ASTN2: variants seen among roughly 807,000 people sequenced by gnomAD.
The protein encoded by ASTN2 is astrotactin 2, also known as astrotactin-2.
ASTN2 carries 54 observed loss-of-function variants against 139.8 expected under a neutral mutation model. The ratio of observed to expected loss-of-function variants is 0.39; its 90% CI spans 0.31 to 0.48. The LOEUF is 0.48. Ranked by LOEUF, ASTN2 falls within the 20% of genes least tolerant of loss-of-function variation. The pLI, the probability that ASTN2 is intolerant of heterozygous loss-of-function variation, is 0.95. For synonymous variants in ASTN2, 756 were observed against 719.5 expected (o/e 1.05, Z -0.81); for missense variants, 1,565 against 1,725.1 (o/e 0.91, Z 1.64).
At chr9:117,018,191 A>G (rs905606806) in intron 6 of ASTN2, among the ~76,000 whole-genome samples, 108 of 152,260 alleles carry the variant, frequency 7.1e-4, no homozygotes, top group African/African-American at 2.4e-3. Context: ...ATGAAAATTT[A>G]TGGTAAGACA....
Position 116,733,381 on chromosome 9 carries a change from C to A in ASTN2, c.2521+18G>T. 1 of 1,613,324 alleles carries A rather than the reference C, an allele frequency of 6.2e-7. No individual in the cohort carries two copies. The highest frequency in any genetic ancestry group is 8.5e-7 in the Non-Finnish European group (1 of 1,179,518). On this transcript the variant is annotated intron_variant, in intron 14 of 22. Transcript: ENST00000313400. ...TGTGGTCAGGGAACCTGGGAAGGGT[C>A]TGGCACATGTGTCTTACCAGTGAGC... is the stretch of plus-strand genomic sequence containing the variant.
chr9:116,444,173 C>T (rs1406451732), intron 20 of ASTN2, among the ~76,000 whole-genome samples: 1 of 152,128 alleles, frequency 6.6e-6, no homozygotes, highest in Non-Finnish European at 1.5e-5. Context: ...ATTACTAGGA[C>T]TGGCAATTTA....
In ASTN2 at chr9:116,967,577, ATGTG is replaced by A; in HGVS notation, c.1889+7627_1889+7630del. ...AAAGCACACTTCTAGGTTGCCTACA[ATGTG>A]TGCACACATATGCACACATAACACG... is the stretch of plus-strand genomic sequence containing the variant. On this transcript the variant is annotated intron_variant, in intron 10 of 22. Transcript: ENST00000313400. Among the ~76,000 whole-genome samples, 3 of 152,358 alleles carry A rather than the reference ATGTG, an allele frequency of 2.0e-5. No individual in the cohort carries two copies. In the South Asian group the frequency reaches 6.2e-4, roughly 32 times the overall value.
Position 117,141,312 on chromosome 9 carries a change from C to A in ASTN2, c.1168+14G>T. The A allele has an allele frequency of 7.3e-7, 1 of 1,366,218 alleles. No individual in the cohort carries two copies. Among genetic ancestry groups the A allele is most frequent in the South Asian group, 1.1e-5 (1 of 87,914 alleles). 84.6% of individuals were successfully genotyped at this position (1,366,218 alleles called of 1,614,324 possible). ...CCTTCTGACTTCCTGGCCAGATGTGCCAGGAGGGCCTACCTCGAGACTTGC... is the reference window on the plus strand; with the variant it reads ...CCTTCTGACTTCCTGGCCAGATGTGACAGGAGGGCCTACCTCGAGACTTGC... On this transcript the variant is annotated intron_variant, in intron 4 of 22. Transcript: ENST00000313400.
chr9:116,815,102 T>C (rs1410666185), intron 12 of ASTN2, among the ~76,000 whole-genome samples: 1 of 152,208 alleles, frequency 6.6e-6, no homozygotes, highest in Non-Finnish European at 1.5e-5. Flanking sequence ...AGTGCCTGAA[T>C]GAATTCCCCC....
At chr9:116,895,428 C>T (rs548628936) in intron 10 of ASTN2, among the ~76,000 whole-genome samples, 6 of 152,080 alleles carry the variant, frequency 3.9e-5, no homozygotes, top group South Asian at 4.2e-4. Context: ...TAGTAAGCAC[C>T]AGGGGTCAAG....
rs370030109 is a variant in ASTN2 at position 116,865,719 on chromosome 9, T to A, written c.1890-1986A>T. ...GTCACTGACAGCCACAGCTGGTGGGTGGGTGGGCTGGCCCTGAAGAGGGGA... is the reference window on the plus strand; with the variant it reads ...GTCACTGACAGCCACAGCTGGTGGGAGGGTGGGCTGGCCCTGAAGAGGGGA... On this transcript the variant is annotated intron_variant, in intron 10 of 22. Coordinates refer to ENST00000313400, the MANE Select transcript of ASTN2 (RefSeq NM_001365068.1). Among the ~76,000 whole-genome samples, 15 of 152,222 alleles carry A rather than the reference T, an allele frequency of 9.9e-5. No individual in the cohort carries two copies. The East Asian group carries it at 2.1e-3, about 22-fold the overall frequency.
At chr9:117,051,797 T>C (rs1039436855) in intron 5 of ASTN2, among the ~76,000 whole-genome samples, 4 of 152,136 alleles carry the variant, frequency 2.6e-5, no homozygotes, top group African/African-American at 9.7e-5. Flanking sequence ...ACAGCCACGT[T>C]CACAGTCAGA....
intron 1 of ASTN2, among the ~76,000 whole-genome samples, chr9:117,409,586 G>A (rs941106730): frequency 1.3e-5 from 2 of 152,154 alleles, no homozygotes; most frequent in South Asian, 2.1e-4. Flanking sequence ...CAAGACATTC[G>A]TTAGAATCAG....
intron 1 of ASTN2, among the ~76,000 whole-genome samples, chr9:117,315,586 T>A (rs531425946): frequency 1.0e-3 from 157 of 152,362 alleles, no homozygotes; most frequent in African/African-American, 3.5e-3. Flanking sequence ...GATGTATGCA[T>A]ATTCTGACAT....
chr9:116,802,121 C>T (rs1564275243), intron 13 of ASTN2, among the ~76,000 whole-genome samples: 1 of 134,370 alleles, frequency 7.4e-6, no homozygotes, highest in African/African-American at 2.8e-5. Flanking sequence ...TGGAGTCTTG[C>T]TCTGTCTCCC....
At chr9:117,152,318 C>T (rs995068491) in intron 3 of ASTN2, among the ~76,000 whole-genome samples, 26 of 152,114 alleles carry the variant, frequency 1.7e-4, no homozygotes, top group African/African-American at 6.0e-4. Flanking sequence ...TTGGGGTAAC[C>T]GATCGCCTTT....
chr9:117,222,495 G>A (rs1483193211), intron 2 of ASTN2, among the ~76,000 whole-genome samples: 2 of 152,146 alleles, frequency 1.3e-5, no homozygotes, highest in East Asian at 1.9e-4. Context: ...AGTGAGTGGC[G>A]AAGAGAAGGC....
At chr9:116,925,439 C>T (rs116780639) in intron 10 of ASTN2, among the ~76,000 whole-genome samples, 156 of 152,340 alleles carry the variant, frequency 1.0e-3, no homozygotes, top group Middle Eastern at 3.4e-3. Flanking sequence ...TGCTAGATTT[C>T]ATCACCTGGG....
At chr9:117,039,252 A>C (rs965139638) in intron 6 of ASTN2, among the ~76,000 whole-genome samples, 6 of 152,206 alleles carry the variant, frequency 3.9e-5, no homozygotes, top group Non-Finnish European at 1.5e-5. Context: ...TGAAGCCATA[A>C]AAAGGAATGA....
At chr9:116,561,450 C>T (rs1852910511) in intron 19 of ASTN2, among the ~76,000 whole-genome samples, 1 of 152,146 alleles carries the variant, frequency 6.6e-6, no homozygotes, top group East Asian at 1.9e-4. Flanking sequence ...TCTTCCACTC[C>T]CTAAAGTTTG....
At chr9:117,123,651 C>T (rs945378171) in intron 4 of ASTN2, among the ~76,000 whole-genome samples, 7 of 152,052 alleles carry the variant, frequency 4.6e-5, no homozygotes, top group Admixed American at 6.5e-5. Flanking sequence ...GGCTCTAGCC[C>T]TTATTCTTTA....
At chr9:116,474,222 C>T (rs974738426) in intron 20 of ASTN2, among the ~76,000 whole-genome samples, 1 of 152,146 alleles carries the variant, frequency 6.6e-6, no homozygotes, top group Admixed American at 6.5e-5. Flanking sequence ...CAGAGAGCAG[C>T]AGGTAGGCTA....
chr9:116,809,679 A>G (rs1370756873), intron 12 of ASTN2, among the ~76,000 whole-genome samples: 2 of 152,196 alleles, frequency 1.3e-5, no homozygotes. Context: ...TTGGGGGAAG[A>G]TTTTAATATT....
Sources: gnomAD v4.1 joint callset for allele counts (sites outside exome capture counted in the v4.1 genomes callset) on GRCh38, gnomAD v4.1.1 for gene constraint, MANE v1.5 for transcripts, NCBI Gene and HGNC (gene_info 2026-07-23, HGNC 2026-07-21) for gene names.